TAFA5: variants seen among roughly 807,000 people sequenced by gnomAD.
TAFA5 encodes the protein chemokine-like protein TAFA-5.
A neutral mutation model predicts 15.3 loss-of-function variants in TAFA5; 6 were observed. The observed-to-expected ratio is 0.39, with a 90% CI of 0.21 to 0.77. The LOEUF is 0.77. Ranked by LOEUF, TAFA5 falls within the 30% of genes least tolerant of loss-of-function variation. The probability of loss-of-function intolerance (pLI) is 0.41; values close to 1 mark genes in which losing one functional copy is unlikely to be tolerated. For missense variants in TAFA5, 161 were observed against 193.1 expected (o/e 0.83, Z 0.98); for synonymous variants, 103 against 80.7 (o/e 1.28, Z -1.48).
intron 3 of TAFA5, among the ~76,000 whole-genome samples, chr22:48,716,085 G>T (rs1929393426): frequency 6.6e-6 from 1 of 152,198 alleles, no homozygotes; most frequent in Non-Finnish European, 1.5e-5. Context: ...TGAGGCCTCT[G>T]TTCTGTTTCA....
intron 1 of TAFA5, among the ~76,000 whole-genome samples, chr22:48,535,207 C>G (rs1922113015): frequency 6.6e-6 from 1 of 152,162 alleles, no homozygotes; most frequent in Admixed American, 6.5e-5. Flanking sequence ...TGCAAATGAT[C>G]ACCCCACCAC....
intron 3 of TAFA5, among the ~76,000 whole-genome samples, chr22:48,713,061 C>T (rs1476946089): frequency 6.6e-6 from 1 of 152,236 alleles, no homozygotes; most frequent in East Asian, 1.9e-4. Flanking sequence ...TGAGCTGTGC[C>T]ATCTCCTACA....
At chr22:48,602,919 G>A (rs77637002) in intron 1 of TAFA5, among the ~76,000 whole-genome samples, 2,156 of 152,304 alleles carry the variant, frequency 0.014, 18 homozygotes, top group Non-Finnish European at 0.024. Context: ...CTATGAGGCC[G>A]ATGCCCCTGA....
chr22:48,600,371 C>T (rs1924921336), intron 1 of TAFA5, among the ~76,000 whole-genome samples: 1 of 152,188 alleles, frequency 6.6e-6, no homozygotes, highest in Admixed American at 6.5e-5. Context: ...TGCGCAGGTC[C>T]AGCGGGGATC....
At chr22:48,605,437 G>GAT (rs1925155329) in intron 1 of TAFA5, among the ~76,000 whole-genome samples, 1 of 150,842 alleles carries the variant, frequency 6.6e-6, no homozygotes. Flanking sequence ...TGGTGGTGGT[G>GAT]GTGGTGGTGA....
At chr22:48,571,530 C>A (rs373324969) in intron 1 of TAFA5, among the ~76,000 whole-genome samples, 1 of 146,858 alleles carries the variant, frequency 6.8e-6, no homozygotes, top group African/African-American at 2.5e-5. Flanking sequence ...GCCTTGGCCT[C>A]CCAAAGTGCT....
At chr22:48,557,994 G>A (rs976361063) in intron 1 of TAFA5, among the ~76,000 whole-genome samples, 5 of 152,168 alleles carry the variant, frequency 3.3e-5, no homozygotes, top group African/African-American at 7.2e-5. Context: ...CACGGAGCCC[G>A]CTCAGGCAGA....
chr22:48,632,654 C>T (rs1482134002), intron 1 of TAFA5, among the ~76,000 whole-genome samples: 1 of 152,188 alleles, frequency 6.6e-6, no homozygotes, highest in African/African-American at 2.4e-5. Flanking sequence ...CTCTGGAGGC[C>T]GTTCTCTGTG....
At chr22:48,717,916 G>A (rs934175781) in intron 3 of TAFA5, among the ~76,000 whole-genome samples, 1 of 152,248 alleles carries the variant, frequency 6.6e-6, no homozygotes, top group Non-Finnish European at 1.5e-5. Context: ...AAGTGAATAA[G>A]GCCCCAGGCT....
intron 2 of TAFA5, among the ~76,000 whole-genome samples, chr22:48,674,533 C>T (rs752058675): frequency 2.1e-4 from 32 of 152,054 alleles, no homozygotes; most frequent in Admixed American, 9.8e-4. Flanking sequence ...TTGATTGAAT[C>T]GCGTCATTTG....
At position 48,526,150 on chromosome 22, in the gene TAFA5, G is replaced by A. The variant is rs117385265; in HGVS notation, c.112+36446G>A. Among the ~76,000 whole-genome samples the A allele has an allele frequency of 5.4e-3, 828 of 152,318 alleles. 3 individuals carry two copies. Among genetic ancestry groups the A allele is most frequent in the Non-Finnish European group, 6.7e-3 (457 of 68,032 alleles). Reference sequence around the variant, plus strand: ...GGTGCATGCCCATGGCCCTGCCCGGGTGCTCCCAGCATGAAGGGGCTGTCC... The same window carrying A: ...GGTGCATGCCCATGGCCCTGCCCGGATGCTCCCAGCATGAAGGGGCTGTCC... On this transcript the variant is annotated intron_variant, in intron 1 of 3. Transcript: ENST00000402357.
At chr22:48,519,386 C>T (rs6007878) in intron 1 of TAFA5, among the ~76,000 whole-genome samples, 2 of 152,260 alleles carry the variant, frequency 1.3e-5, no homozygotes, top group Non-Finnish European at 2.9e-5. Flanking sequence ...GCAGGGGCCA[C>T]GCTTCTCAGA....
At chr22:48,593,600 C>T (rs1295093299) in intron 1 of TAFA5, among the ~76,000 whole-genome samples, 1 of 152,172 alleles carries the variant, frequency 6.6e-6, no homozygotes, top group Non-Finnish European at 1.5e-5. Context: ...CCCCAGGTGG[C>T]TGTGTTGGTA....
intron 1 of TAFA5, among the ~76,000 whole-genome samples, chr22:48,602,305 G>T (rs1251676980): frequency 6.6e-6 from 1 of 152,230 alleles, no homozygotes; most frequent in Non-Finnish European, 1.5e-5. Flanking sequence ...CCCCCCACAA[G>T]CACACCAGTT....
intron 1 of TAFA5, among the ~76,000 whole-genome samples, chr22:48,548,348 G>A (rs956734953): frequency 1.3e-5 from 2 of 152,354 alleles, no homozygotes; most frequent in African/African-American, 2.4e-5. Context: ...TCGCCCCGCC[G>A]ACTGTGGAGA....
At chr22:48,567,794 G>A (rs932499404) in intron 1 of TAFA5, among the ~76,000 whole-genome samples, 13 of 152,182 alleles carry the variant, frequency 8.5e-5, no homozygotes, top group African/African-American at 3.1e-4. Flanking sequence ...GTGTGACACC[G>A]CTGTCTGCAG....
chr22:48,743,501 T>TA (rs1258172404), intron 3 of TAFA5, among the ~76,000 whole-genome samples: 6 of 152,208 alleles, frequency 3.9e-5, no homozygotes, highest in South Asian at 4.1e-4. Context: ...TGCACAGGTA[T>TA]GGGGTCAGGA....
chr22:48,721,778 G>A (rs1929576647), intron 3 of TAFA5, among the ~76,000 whole-genome samples: 1 of 152,128 alleles, frequency 6.6e-6, no homozygotes, highest in South Asian at 2.1e-4. Context: ...AAACCAGCCC[G>A]GCCAACATGG....
At chr22:48,511,741 G>A (rs573817197) in intron 1 of TAFA5, among the ~76,000 whole-genome samples, 5 of 152,350 alleles carry the variant, frequency 3.3e-5, no homozygotes, top group African/African-American at 4.8e-5. Context: ...TCCAGGTATC[G>A]GAAATGAAGC....
Sources: gnomAD v4.1 joint callset for allele counts (sites outside exome capture counted in the v4.1 genomes callset) on GRCh38, gnomAD v4.1.1 for gene constraint, MANE v1.5 for transcripts, NCBI Gene and HGNC (gene_info 2026-07-23, HGNC 2026-07-21) for gene names.